TFAP2B: variants seen among roughly 807,000 people sequenced by gnomAD.
The protein encoded by TFAP2B is transcription factor AP-2 beta.
TFAP2B carries 9 observed loss-of-function variants against 44.3 expected under a neutral mutation model. That is an observed-to-expected ratio of 0.20 (90% CI 0.12 to 0.35). The LOEUF (loss-of-function observed/expected upper bound fraction) is 0.35. TFAP2B is among the 10% of genes least tolerant of loss of function. The pLI is 1.00. For synonymous variants in TFAP2B, 270 were observed against 263.8 expected (o/e 1.02, Z -0.23); for missense variants, 509 against 600.0 (o/e 0.85, Z 1.59).
At chr6:50,843,070 T>C in intron 6 of TFAP2B, 22 bp from the exon 7 acceptor site, 2 of 1,614,164 alleles carry the variant, frequency 1.2e-6, no homozygotes, top group Non-Finnish European at 1.7e-6. Flanking sequence ...TGATTTTCTG[T>C]GCCTCGCCCA....
rs775198656 is a variant in TFAP2B at position 50,823,723 on chromosome 6, C to A, written c.398C>A (p.Ser133Ter). Reference protein sequence around the residue: ...PQPRAALPQLSGLDPRRDYHS... With the variant: ...PQPRAALPQL The stretch of plus-strand genomic sequence containing the variant: ...CCTCGGGCCGCCTTGCCCCAGCTCT[C>A]GGGCCTTGACCCCCGGAGGGACTAC... Residue 133 changes from serine (S) to a stop codon, truncating the protein, a stop_gained, in exon 2 of 7, where the codon TCG (serine) becomes TAG (stop). Transcript: ENST00000393655. LOFTEE classifies it high-confidence loss of function. 1 of 1,612,234 alleles carries A rather than the reference C, an allele frequency of 6.2e-7. No homozygotes were observed. The highest frequency in any genetic ancestry group is 1.3e-5 in the African/African-American group (1 of 74,902).
chr6:50,825,859 C>T (rs572170824), intron 2 of TFAP2B, among the ~76,000 whole-genome samples: 1 of 152,076 alleles, frequency 6.6e-6, no homozygotes, highest in Non-Finnish European at 1.5e-5. Context: ...CTTCTTGGGA[C>T]GACCCCTATA....
intron 3 of TFAP2B, among the ~76,000 whole-genome samples, chr6:50,829,442 TGA>T (rs1770614111): frequency 6.6e-6 from 1 of 152,250 alleles, no homozygotes; most frequent in Admixed American, 6.5e-5. Flanking sequence ...TGACAGTCAC[TGA>T]GAGAATGCCT....
intron 4 of TFAP2B, among the ~76,000 whole-genome samples, chr6:50,836,650 C>G (rs1335369085): frequency 6.6e-6 from 1 of 152,182 alleles, no homozygotes; most frequent in Non-Finnish European, 1.5e-5. Flanking sequence ...GCGGAACTAA[C>G]AGCCCCCCAG....
intron 5 of TFAP2B, 36 bp from the exon 6 acceptor site, chr6:50,840,120 G>C (rs552609739): frequency 5.0e-6 from 8 of 1,612,992 alleles, no homozygotes; most frequent in Non-Finnish European, 6.8e-6. Context: ...TTAGGGCCTG[G>C]GTGCTGATTA....
At chr6:50,826,391 C>A (rs1770506900) in intron 2 of TFAP2B, among the ~76,000 whole-genome samples, 1 of 152,278 alleles carries the variant, frequency 6.6e-6, no homozygotes, top group Middle Eastern at 3.4e-3. Flanking sequence ...AGGGCCACAG[C>A]CCCCACCATG....
intron 2 of TFAP2B, among the ~76,000 whole-genome samples, chr6:50,826,546 C>T (rs994240411): frequency 1.3e-5 from 2 of 151,190 alleles, no homozygotes; most frequent in African/African-American, 4.9e-5. Context: ...GGGTATGCTA[C>T]ATTTCACCCA....
Position 50,845,736 on chromosome 6 carries a change from G to A in TFAP2B, c.*2344G>A, listed in dbSNP as rs1201025641. 1.3e-5 allele frequency: 2 copies of A among 152,768 alleles called. No homozygotes were observed. 9.5% of individuals were successfully genotyped at this position (152,768 alleles called of 1,614,324 possible). A position where few individuals can be genotyped will look rare whatever the true frequency, so the allele number is the denominator to read the frequency against. On this transcript the variant is annotated 3_prime_UTR_variant, in exon 7 of 7. Coordinates refer to ENST00000393655, the MANE Select transcript of TFAP2B (RefSeq NM_003221.4). Reference sequence around the variant, plus strand: ...CCCACGCGTGTGACGTGCGAGAGACGCGATGGACGCGCCTTGCTCTTACTG... The same window carrying A: ...CCCACGCGTGTGACGTGCGAGAGACACGATGGACGCGCCTTGCTCTTACTG...
In TFAP2B at chr6:50,828,694, C is replaced by T. The variant is rs1461403395; in HGVS notation, c.601+15C>T. 9 of 1,613,756 alleles carry T rather than the reference C, an allele frequency of 5.6e-6. No individual in the cohort carries two copies. The highest frequency in any genetic ancestry group is 7.6e-6 in the Non-Finnish European group (9 of 1,179,888). On this transcript the variant is annotated intron_variant, in intron 3 of 6. Transcript: ENST00000393655. ...CATTAAAAAAGGTATGGATAATTCC[C>T]CCCAAAAAGTAAGCAAAGTTCTCTC...
intron 5 of TFAP2B, among the ~76,000 whole-genome samples, chr6:50,839,508 A>C (rs1762683499): frequency 6.6e-6 from 1 of 152,186 alleles, no homozygotes; most frequent in African/African-American, 2.4e-5. Context: ...TAGATACTCC[A>C]GTTTTCTGTA....
chr6:50,818,761 T>A (rs1187939192), upstream of TFAP2B: 4 of 775,866 alleles, frequency 5.2e-6, 1 homozygote, highest in African/African-American at 6.9e-5. Flanking sequence ...CAGCCTATTG[T>A]TTGAGACAAC....
rs1224288417 is a variant in TFAP2B, at chr6:50,837,962, CTTGCAA to C, written c.822-10_822-5del. On this transcript the variant is annotated splice_region_variant and splice_polypyrimidine_tract_variant and intron_variant, in intron 4 of 6. Coordinates refer to ENST00000393655, the MANE Select transcript of TFAP2B (RefSeq NM_003221.4). ...TCTAAGGTTAATCAGAATGTTAATT[CTTGCAA>C]TTTCAGAGCCAAATCGAAAAATGGG... 4 of 1,598,212 alleles carry C rather than the reference CTTGCAA, an allele frequency of 2.5e-6. No homozygotes were observed. The highest frequency in any genetic ancestry group is 1.7e-4 in the Middle Eastern group (1 of 6,030).
chr6:50,830,622 C>T (rs1157450737), intron 3 of TFAP2B, among the ~76,000 whole-genome samples: 1 of 152,126 alleles, frequency 6.6e-6, no homozygotes, highest in Non-Finnish European at 1.5e-5. Context: ...AATGGTAGGT[C>T]AGTTGCATTA....
At chr6:50,828,792 C>G in intron 3 of TFAP2B, 113 bp downstream of exon 3, 1 of 1,271,848 alleles carries the variant, frequency 7.9e-7, no homozygotes, top group African/African-American at 1.5e-5. Context: ...AATGTTTGTT[C>G]ACAATTATAG....
At position 50,825,399 on chromosome 6, in the gene TFAP2B, A is replaced by G. The variant is rs1235303881; in HGVS notation, c.540+1534A>G. On this transcript the variant is annotated intron_variant, in intron 2 of 6. Transcript: ENST00000393655. ...AGTGCTGGATAATGAAAGTGGATCAACTCATCACCATTACTGTTGATGATG... is the reference window on the plus strand; with the variant it reads ...AGTGCTGGATAATGAAAGTGGATCAGCTCATCACCATTACTGTTGATGATG... Among the ~76,000 whole-genome samples, 3 of 152,074 alleles carry G rather than the reference A, an allele frequency of 2.0e-5. No homozygotes were observed. In the East Asian group the frequency reaches 5.8e-4, roughly 29 times the overall value.
In TFAP2B at chr6:50,833,315, G is replaced by A. The variant is rs112022417; in HGVS notation, c.602-2746G>A. ...AACTAAGCAGGTGTGAAAGTGGAAG[G>A]GAAAGTAGATTATGATGGAGTTATG... On this transcript the variant is annotated intron_variant, in intron 3 of 6. Coordinates refer to ENST00000393655, the MANE Select transcript of TFAP2B (RefSeq NM_003221.4). Among the ~76,000 whole-genome samples the A allele has an allele frequency of 7.5e-3, 1,135 of 152,300 alleles. 16 individuals carry two copies. Among genetic ancestry groups the A allele is most frequent in the African/African-American group, 0.025 (1,044 of 41,560 alleles).
At chr6:50,838,524 C>T (rs2817407) in intron 5 of TFAP2B, among the ~76,000 whole-genome samples, 7,649 of 152,186 alleles carry the variant, frequency 0.05, 644 homozygotes, top group African/African-American at 0.17. Flanking sequence ...ACTTTTGTCA[C>T]TCCTAGGGCC....
intron 1 of TFAP2B, among the ~76,000 whole-genome samples, chr6:50,819,595 C>G (rs1770265501): frequency 6.6e-6 from 1 of 152,192 alleles, no homozygotes; most frequent in South Asian, 2.1e-4. Context: ...AAATCGCAGC[C>G]GCCTCCTGTG....
Position 50,846,736 on chromosome 6 carries a change from T to TC in TFAP2B, c.*3349dup, listed in dbSNP as rs1239810563. On this transcript the variant is annotated 3_prime_UTR_variant, in exon 7 of 7. Transcript: ENST00000393655. ...GTCACCTAAAAAGATCTTTAACTTCTCCCCCAAAGTGGGAAGGTAACTTTC... is the reference window on the plus strand; with the variant it reads ...GTCACCTAAAAAGATCTTTAACTTCTCCCCCCAAAGTGGGAAGGTAACTTTC... 6 of 152,326 alleles carry TC rather than the reference T, an allele frequency of 3.9e-5. No individual in the cohort carries two copies. In the East Asian group the frequency reaches 1.2e-3, roughly 29 times the overall value. 9.4% of individuals were successfully genotyped at this position (152,326 alleles called of 1,614,324 possible).
Sources: allele counts gnomAD v4.1 joint callset (sites outside exome capture counted in the v4.1 genomes callset), GRCh38; gene constraint gnomAD v4.1.1; transcripts MANE v1.5; gene names NCBI Gene and HGNC (gene_info 2026-07-23, HGNC 2026-07-21).